Variants in CUBN observed in about 807,000 individuals in gnomAD.
CUBN encodes cubilin.
In CUBN, 282 loss-of-function variants were observed where a neutral mutation model predicts 405.3. That is an observed-to-expected ratio of 0.70 (90% confidence interval 0.63 to 0.77). CUBN has a LOEUF of 0.77. CUBN is among the 30% of genes least tolerant of loss of function. The pLI, the probability that CUBN is intolerant of heterozygous loss-of-function variation, is 0.00. For synonymous variants in CUBN, 1,684 were observed against 1,617.0 expected (o/e 1.04, Z -0.99); for missense variants, 4,514 against 4,475.2 (o/e 1.01, Z -0.25).
intron 19 of CUBN, among the ~76,000 whole-genome samples, chr10:17,070,167 C>CA (rs1482841635): frequency 6.6e-6 from 1 of 152,152 alleles, no homozygotes; most frequent in African/African-American, 2.4e-5. Flanking sequence ...TTTCATATAT[C>CA]AATTGGCCAT....
intron 29 of CUBN, among the ~76,000 whole-genome samples, chr10:16,988,988 TA>T (rs1833506332): frequency 6.6e-6 from 1 of 152,208 alleles, no homozygotes; most frequent in South Asian, 2.1e-4. Flanking sequence ...TGTGCATTAT[TA>T]TGGTGTGACA....
At chr10:17,106,864 T>C (rs1286774731) in intron 10 of CUBN, among the ~76,000 whole-genome samples, 1 of 152,178 alleles carries the variant, frequency 6.6e-6, no homozygotes, top group Admixed American at 6.5e-5. Context: ...TAAATAGCTA[T>C]CACAGAATGA....
chr10:17,083,113 T>C (rs1175875184), intron 17 of CUBN, among the ~76,000 whole-genome samples: 1 of 152,168 alleles, frequency 6.6e-6, no homozygotes, highest in African/African-American at 2.4e-5. Context: ...AATTCTTCCG[T>C]AGTGTAAAAC....
chr10:16,899,222 G>A, intron 53 of CUBN, 39 bp from the exon 54 acceptor site: 1 of 1,554,172 alleles, frequency 6.4e-7, no homozygotes. Flanking sequence ...AATCAGCAAG[G>A]AAAGTAATTT....
intron 65 of CUBN, among the ~76,000 whole-genome samples, chr10:16,830,254 T>C (rs976481450): frequency 6.6e-6 from 1 of 152,204 alleles, no homozygotes; most frequent in African/African-American, 2.4e-5. Flanking sequence ...ATTTGCTCGT[T>C]GATAAAATTT....
intron 38 of CUBN, 84 bp from the exon 39 acceptor site, chr10:16,937,868 T>A: frequency 7.9e-7 from 1 of 1,258,602 alleles, no homozygotes; most frequent in South Asian, 1.4e-5. Flanking sequence ...TGCCTTATAT[T>A]ATTACAATGT....
intron 59 of CUBN, among the ~76,000 whole-genome samples, chr10:16,869,292 C>T (rs943353075): frequency 2.6e-5 from 4 of 150,962 alleles, no homozygotes; most frequent in African/African-American, 4.9e-5. Flanking sequence ...CAGCCTCCTG[C>T]GTAGCTGGGA....
At chr10:17,039,563 C>G (rs968397690) in intron 27 of CUBN, among the ~76,000 whole-genome samples, 1 of 152,126 alleles carries the variant, frequency 6.6e-6, no homozygotes, top group African/African-American at 2.4e-5. Flanking sequence ...AGCAACTTTT[C>G]TGCTTTTTCT....
intron 36 of CUBN, among the ~76,000 whole-genome samples, chr10:16,945,430 T>C (rs888335203): frequency 6.6e-6 from 1 of 152,092 alleles, no homozygotes; most frequent in Non-Finnish European, 1.5e-5. Flanking sequence ...TTATAAAGTA[T>C]ATAGATTTCT....
intron 14 of CUBN, 47 bp downstream of exon 14, chr10:17,099,958 A>C (rs372650533): frequency 2.0e-4 from 261 of 1,333,594 alleles, no homozygotes; most frequent in Non-Finnish European, 2.5e-4. Context: ...AAGAACACTT[A>C]ATAACCTCAA....
intron 27 of CUBN, among the ~76,000 whole-genome samples, chr10:17,037,678 A>G (rs1394393900): frequency 6.6e-6 from 1 of 152,232 alleles, no homozygotes; most frequent in Non-Finnish European, 1.5e-5. Flanking sequence ...CGTGAACTAG[A>G]TGAGGACCAG....
At chr10:16,926,915 T>C (rs1357510950) in intron 41 of CUBN, among the ~76,000 whole-genome samples, 2 of 151,898 alleles carry the variant, frequency 1.3e-5, no homozygotes, top group African/African-American at 4.8e-5. Flanking sequence ...TATATTTTAG[T>C]GCACTGGTTC....
At chr10:16,933,028 T>G (rs539366712) in intron 40 of CUBN, 59 bp downstream of exon 40, 2 of 1,546,942 alleles carry the variant, frequency 1.3e-6, no homozygotes, top group Non-Finnish European at 1.8e-6. Flanking sequence ...CTGATGATAA[T>G]GGACTAGAAC....
intron 32 of CUBN, among the ~76,000 whole-genome samples, chr10:16,953,985 T>C (rs2131632876): frequency 6.6e-6 from 1 of 152,032 alleles, no homozygotes; most frequent in Non-Finnish European, 1.5e-5. Flanking sequence ...AGTTGGACAA[T>C]GGCAGGATTC....
chr10:16,893,775 G>A (rs753916352), intron 54 of CUBN, among the ~76,000 whole-genome samples: 13 of 152,096 alleles, frequency 8.5e-5, no homozygotes, highest in Non-Finnish European at 1.6e-4. Context: ...CTGTTGAAAG[G>A]CCTTAGTGCT....
At position 16,907,641 on chromosome 10, in the gene CUBN, C is replaced by T. The variant is rs1257515246; in HGVS notation, c.7572G>A (p.Glu2524=). 1.9e-6 allele frequency: 3 copies of T among 1,612,430 alleles called. No homozygotes were observed. Among genetic ancestry groups the T allele is most frequent in the African/African-American group, 1.3e-5 (1 of 74,876 alleles). Residue 2524 remains glutamate, a synonymous_variant, in exon 49 of 67, where the codon GAG becomes GAA. Coordinates refer to ENST00000377833, the MANE Select transcript of CUBN (RefSeq NM_001081.4). The stretch of plus-strand genomic sequence containing the variant: ...TTACATTCACACTACTACACAGTTT[C>T]TCTAGCTGGGGTGAGTTACTTCTAA... The part of the protein sequence containing the change: ...NGIRSNSPQL[E]KLCSSVNVSN...
chr10:16,853,638 C>T (rs1427284482), intron 59 of CUBN, among the ~76,000 whole-genome samples: 5 of 152,192 alleles, frequency 3.3e-5, no homozygotes, highest in Non-Finnish European at 7.4e-5. Context: ...CTTCCAAAGG[C>T]CCAGTCCCTG....
At position 16,829,800 on chromosome 10, in the gene CUBN, T is replaced by G. The variant is rs570651777; in HGVS notation, c.10529-760A>C. Among the ~76,000 whole-genome samples the G allele has an allele frequency of 5.3e-5, 8 of 152,078 alleles. No individual in the cohort carries two copies. The South Asian group carries it at 1.7e-3, about 32-fold the overall frequency. ...TAGTGGAGCATTTTGGGCAACTCAT[T>G]AATCTTGGTGGGTTTTTTTGTTTGG... is the stretch of plus-strand genomic sequence containing the variant. On this transcript the variant is annotated intron_variant, in intron 65 of 66. Transcript: ENST00000377833.
chr10:16,863,769 TTC>T lies in CUBN; in HGVS notation c.9454+5865_9454+5866del, dbSNP rs1353145736. Among the ~76,000 whole-genome samples, 9 of 151,342 alleles carry T rather than the reference TTC, an allele frequency of 5.9e-5. No homozygotes were observed. In the South Asian group the frequency reaches 1.5e-3, roughly 24 times the overall value. On this transcript the variant is annotated intron_variant, in intron 59 of 66. Coordinates refer to ENST00000377833, the MANE Select transcript of CUBN (RefSeq NM_001081.4). ...TTGTGGCCCTAGACTCTCTTCAGCT[TTC>T]TCTGTCTCCTTCTTTCTTTCTTTCC...
Sources: allele counts gnomAD v4.1 joint callset (sites outside exome capture counted in the v4.1 genomes callset), GRCh38; gene constraint gnomAD v4.1.1; transcripts MANE v1.5; gene names NCBI Gene and HGNC (gene_info 2026-07-23, HGNC 2026-07-21).